ZFAT: variants seen among roughly 807,000 people sequenced by gnomAD.
ZFAT encodes the protein zinc finger and AT-hook domain containing, also known as zinc finger protein ZFAT.
In ZFAT, 64 loss-of-function variants were observed where a neutral mutation model predicts 117.7. The observed-to-expected ratio is 0.54, with a 90% confidence interval of 0.44 to 0.67. The LOEUF (loss-of-function observed/expected upper bound fraction) is 0.67. Ranked by LOEUF, ZFAT falls within the 30% of genes least tolerant of loss-of-function variation. The pLI is 0.00. For missense variants in ZFAT, 1,433 were observed against 1,584.5 expected (o/e 0.90, Z 1.62); for synonymous variants, 679 against 615.0 (o/e 1.10, Z -1.54).
chr8:134,751,221 G>A, the ZFAT span, among the ~76,000 whole-genome samples: 1 of 152,158 alleles, frequency 6.6e-6, no homozygotes, highest in Non-Finnish European at 1.5e-5. Context: ...GCTGAAAGGA[G>A]GCTGTAGTTG....
the ZFAT span, among the ~76,000 whole-genome samples, chr8:134,727,626 G>T: frequency 6.6e-6 from 1 of 152,118 alleles, no homozygotes; most frequent in Non-Finnish European, 1.5e-5. Context: ...AAAATGAATA[G>T]GGCTTTTTTT....
At chr8:134,525,644 G>T (rs1227846346) in intron 12 of ZFAT, among the ~76,000 whole-genome samples, 2 of 152,196 alleles carry the variant, frequency 1.3e-5, no homozygotes, top group African/African-American at 4.8e-5. Context: ...AGCTGAGGTT[G>T]TGGGTAATTT....
At chr8:134,610,381 G>T in intron 4 of ZFAT, 89 bp downstream of exon 4, 1 of 1,389,440 alleles carries the variant, frequency 7.2e-7, no homozygotes, top group Non-Finnish European at 9.7e-7. Flanking sequence ...CACCAGCTCT[G>T]TGTTCTGACT....
chr8:134,794,237 G>A, the ZFAT span: 2 of 152,240 alleles, frequency 1.3e-5, no homozygotes, highest in African/African-American at 4.8e-5. Context: ...TTTAATATAA[G>A]ATATTTACTG....
chr8:134,739,404 G>A, the ZFAT span, among the ~76,000 whole-genome samples: 2 of 152,154 alleles, frequency 1.3e-5, no homozygotes, highest in Non-Finnish European at 2.9e-5. Flanking sequence ...TGTAATCAAT[G>A]AGAAGAACCA....
chr8:134,764,150 A>G, the ZFAT span, among the ~76,000 whole-genome samples: 4 of 152,222 alleles, frequency 2.6e-5, no homozygotes, highest in African/African-American at 9.7e-5. Flanking sequence ...ATGGCTGAGA[A>G]AATAATGAAG....
At chr8:134,817,001 T>C in the ZFAT span, among the ~76,000 whole-genome samples, 4 of 151,084 alleles carry the variant, frequency 2.6e-5, no homozygotes, top group East Asian at 1.9e-4. Flanking sequence ...AAAAAAAGTA[T>C]ACCATTTACA....
the ZFAT span, chr8:134,767,158 T>C: frequency 2.0e-5 from 3 of 152,264 alleles, no homozygotes; most frequent in African/African-American, 4.8e-5. Context: ...TCAGTTTTTA[T>C]AAATATTCAA....
intron 3 of ZFAT, among the ~76,000 whole-genome samples, chr8:134,614,025 A>C (rs1055664420): frequency 6.6e-6 from 1 of 152,232 alleles, no homozygotes; most frequent in Non-Finnish European, 1.5e-5. Context: ...GTCTCTGCTA[A>C]CAGTATCTTG....
the ZFAT span, among the ~76,000 whole-genome samples, chr8:134,807,439 A>G: frequency 1.3e-5 from 1 of 75,870 alleles, no homozygotes; most frequent in Non-Finnish European, 2.9e-5. Flanking sequence ...AATATTCTGG[A>G]AAAAAAACCC....
the ZFAT span, among the ~76,000 whole-genome samples, chr8:134,731,591 T>C: frequency 9.2e-5 from 14 of 152,212 alleles, no homozygotes; most frequent in African/African-American, 2.4e-4. Flanking sequence ...CAAAAGCAGA[T>C]GGAATACACA....
At chr8:134,720,559 C>A in the ZFAT span, among the ~76,000 whole-genome samples, 1 of 152,176 alleles carries the variant, frequency 6.6e-6, no homozygotes, top group African/African-American at 2.4e-5. Context: ...GAATTTGGAA[C>A]ACGGAAGACA....
At chr8:134,663,056 G>C (rs1420843697) in intron 1 of ZFAT, among the ~76,000 whole-genome samples, 2 of 152,256 alleles carry the variant, frequency 1.3e-5, no homozygotes, top group African/African-American at 2.4e-5. Flanking sequence ...CATGGCAAAG[G>C]GGCCAAGAGC....
At chr8:134,618,767 A>G (rs1828911310) in intron 3 of ZFAT, among the ~76,000 whole-genome samples, 2 of 152,252 alleles carry the variant, frequency 1.3e-5, no homozygotes, top group African/African-American at 4.8e-5. Context: ...AATTACTTGG[A>G]AATTATGTAC....
intron 12 of ZFAT, 63 bp downstream of exon 12, chr8:134,532,771 C>T (rs568971728): frequency 3.7e-5 from 59 of 1,581,196 alleles, no homozygotes; most frequent in South Asian, 9.3e-5. Flanking sequence ...GCAGCTCTTC[C>T]CAATGGGGGA....
At chr8:134,819,244 GGAAGGGGAA>G in the ZFAT span, among the ~76,000 whole-genome samples, 2 of 151,772 alleles carry the variant, frequency 1.3e-5, no homozygotes, top group African/African-American at 4.8e-5. Context: ...TCTGGGAGTG[GGAAGGGGAA>G]GAGGAAGGGG....
At chr8:134,779,593 T>C in the ZFAT span, among the ~76,000 whole-genome samples, 6 of 152,206 alleles carry the variant, frequency 3.9e-5, no homozygotes, top group Non-Finnish European at 5.9e-5. Flanking sequence ...CTTGGCTTGT[T>C]TTCTTTCATT....
chr8:134,542,047 A>C (rs1035118972), intron 11 of ZFAT, among the ~76,000 whole-genome samples: 13 of 152,026 alleles, frequency 8.6e-5, no homozygotes, highest in Non-Finnish European at 1.6e-4. Flanking sequence ...CTTCCCTACA[A>C]GGCCTGCCTG....
chr8:134,708,611 T>C (rs1317093154), intron 1 of ZFAT, among the ~76,000 whole-genome samples: 1 of 152,200 alleles, frequency 6.6e-6, no homozygotes, highest in Admixed American at 6.5e-5. Flanking sequence ...TGTAAGATGT[T>C]TAAAATGTCT....
Sources: gnomAD v4.1 joint callset for allele counts (sites outside exome capture counted in the v4.1 genomes callset) on GRCh38, gnomAD v4.1.1 for gene constraint, MANE v1.5 for transcripts, NCBI Gene and HGNC (gene_info 2026-07-23, HGNC 2026-07-21) for gene names.